UBE2O: variants seen among roughly 807,000 people sequenced by gnomAD.
UBE2O encodes the protein (E3-independent) E2 ubiquitin-conjugating enzyme.
UBE2O carries 15 observed loss-of-function variants against 125.8 expected under a neutral mutation model. The observed-to-expected ratio is 0.12, with a 90% CI of 0.08 to 0.18. The LOEUF (loss-of-function observed/expected upper bound fraction) is 0.18. Among genes scored for constraint, UBE2O ranks in the 10% least tolerant of loss-of-function variants. The pLI is 1.00. For missense variants in UBE2O, 1,280 were observed against 1,723.6 expected, an observed-to-expected ratio of 0.74 and a Z score of 4.56; for synonymous variants, 708 against 703.2, an observed-to-expected ratio of 1.01 and a Z score of -0.11.
chr17:76,447,589 C>T (rs149066047), intron 1 of UBE2O, among the ~76,000 whole-genome samples: 56 of 152,328 alleles, frequency 3.7e-4, no homozygotes, highest in African/African-American at 1.3e-3. Context: ...ATTCCATCCC[C>T]CTCCTGGAGG....
chr17:76,452,795 G>T lies in UBE2O; in HGVS notation c.347C>A (p.Pro116His). The T allele has an allele frequency of 6.6e-7, 1 of 1,522,784 alleles. No individual in the cohort carries two copies. The highest frequency in any genetic ancestry group is 1.2e-5 in the South Asian group (1 of 80,978). The allele number at this position is 1,522,784 out of a possible 1,614,324, so 94.3% of individuals were successfully genotyped here. ...GACGCGCACGTAGCCGCGGCGCAGG[G>T]GGCTGGCCCGGCCCTCCTCGTGGCC... ...GAGHEEGRAS[P>H]LRRGYVRVQW... Residue 116 changes from proline (P) to histidine (H), a missense_variant, in exon 1 of 18, where the codon CCC (proline) becomes CAC (histidine). Pro to His is a moderately conservative substitution (Grantham distance 77). This residue lies in a region of UBE2O where 188 missense variants were observed against 192.5 expected (regional missense o/e 0.98). Coordinates refer to ENST00000319380, the MANE Select transcript of UBE2O (RefSeq NM_022066.4). This position sits in a 1 kb window ranked among gnomAD's most constrained non-coding sequence, Gnocchi z 4.4.
chr17:76,414,622 C>A (rs1444697155), intron 1 of UBE2O, among the ~76,000 whole-genome samples: 1 of 152,214 alleles, frequency 6.6e-6, no homozygotes, highest in Admixed American at 6.5e-5. Flanking sequence ...CGCCTGGAAA[C>A]TCGGCTGCAG....
chr17:76,450,957 T>A (rs1267448664), intron 1 of UBE2O, among the ~76,000 whole-genome samples: 2 of 152,224 alleles, frequency 1.3e-5, no homozygotes, highest in African/African-American at 4.8e-5. Context: ...GTATTTCAAG[T>A]CAAACTCTGT....
At chr17:76,401,310 C>T (rs1200837096) in intron 5 of UBE2O, among the ~76,000 whole-genome samples, 156 bp from the exon 6 acceptor site, 1 of 152,222 alleles carries the variant, frequency 6.6e-6, no homozygotes, top group Non-Finnish European at 1.5e-5. Context: ...TCCACATCAG[C>T]ACTTCCCAAA....
rs1233832634 is a variant in UBE2O, at chr17:76,397,967, T to TG, written c.2026-80dup. The TG allele has an allele frequency of 1.6e-5, 24 of 1,468,564 alleles. No homozygotes were observed. The Middle Eastern group carries it at 5.2e-4, about 32-fold the overall frequency. The allele number at this position is 1,468,564 out of a possible 1,614,324, so 91.0% of individuals were successfully genotyped here. A position where few individuals can be genotyped will look rare whatever the true frequency, so the allele number is the denominator to read the frequency against. On this transcript the variant is annotated intron_variant, in intron 12 of 17. Coordinates refer to ENST00000319380, the MANE Select transcript of UBE2O (RefSeq NM_022066.4). ...AGCCCCTCCTGTGCTCTGCAGTGAC[T>TG]GACATCATGCCCACCTGGCTTGTGA...
intron 1 of UBE2O, among the ~76,000 whole-genome samples, chr17:76,431,357 CA>C (rs57655728): frequency 1.3e-5 from 2 of 150,998 alleles, no homozygotes; most frequent in Non-Finnish European, 3.0e-5. Context: ...ACTAAAGATA[CA>C]AAAAAAAATT....
At chr17:76,441,955 G>A (rs2073081180) in intron 1 of UBE2O, among the ~76,000 whole-genome samples, 1 of 152,252 alleles carries the variant, frequency 6.6e-6, no homozygotes, top group Non-Finnish European at 1.5e-5. Context: ...TTGCAGTCGG[G>A]TGGGGCATTC....
Position 76,397,997 on chromosome 17 carries a change from G to A in UBE2O, c.2026-109C>T, listed in dbSNP as rs986982055. The A allele has an allele frequency of 3.2e-6, 4 of 1,236,350 alleles. No homozygotes were observed. The Admixed American group carries it at 5.7e-5, about 18-fold the overall frequency. The allele number at this position is 1,236,350 out of a possible 1,614,324, so 76.6% of individuals were successfully genotyped here. A position where few individuals can be genotyped will look rare whatever the true frequency, so the allele number is the denominator to read the frequency against. ...TCATGCCCACCTGGCTTGTGACAAGGAACTTAGCTCCTCTGGTAAATGTAA... is the reference window on the plus strand; with the variant it reads ...TCATGCCCACCTGGCTTGTGACAAGAAACTTAGCTCCTCTGGTAAATGTAA... On this transcript the variant is annotated intron_variant, in intron 12 of 17. Transcript: ENST00000319380.
intron 5 of UBE2O, 73 bp downstream of exon 5, chr17:76,401,991 C>G (rs893585193): frequency 5.3e-6 from 8 of 1,517,864 alleles, no homozygotes; most frequent in Non-Finnish European, 7.2e-6. Context: ...GGGTCCAGGT[C>G]TTTGCTACGA....
chr17:76,418,550 C>T (rs1289319169), intron 1 of UBE2O, among the ~76,000 whole-genome samples: 1 of 152,000 alleles, frequency 6.6e-6, no homozygotes, highest in Non-Finnish European at 1.5e-5. Context: ...CTCCACAGGT[C>T]CCTTGGAAGG....
rs1161756652 is a variant in UBE2O at position 76,400,563 on chromosome 17, G to C, written c.895-13C>G. ...CTACAACCTGCACCTGGGGATGGCAGGTGGGACACGCCAGTCAGGGCAGGC... is the reference window on the plus strand; with the variant it reads ...CTACAACCTGCACCTGGGGATGGCACGTGGGACACGCCAGTCAGGGCAGGC... On this transcript the variant is annotated splice_polypyrimidine_tract_variant and intron_variant, in intron 6 of 17. Transcript: ENST00000319380. The surrounding 1 kb of genome is among the most constrained non-coding windows in gnomAD (Gnocchi z 4.3). 6.3e-7 allele frequency: 1 copy of C among 1,586,722 alleles called. No individual in the cohort carries two copies. The highest frequency in any genetic ancestry group is 1.7e-5 in the Admixed American group (1 of 58,950).
rs148300246 is a variant in UBE2O at position 76,450,349 on chromosome 17, C to G, written c.417+2376G>C. The stretch of plus-strand genomic sequence containing the variant: ...TAATCAGTCACCTGTATCTATAGCT[C>G]ATGGTAACAGAGCTACCTATCAGGT... On this transcript the variant is annotated intron_variant, in intron 1 of 17. Transcript: ENST00000319380. Among the ~76,000 whole-genome samples, 38 of 152,236 alleles carry G rather than the reference C, an allele frequency of 2.5e-4. No individual in the cohort carries two copies. The East Asian group carries it at 4.4e-3, about 18-fold the overall frequency.
chr17:76,416,686 C>G (rs1285306907), intron 1 of UBE2O, among the ~76,000 whole-genome samples: 1 of 152,198 alleles, frequency 6.6e-6, no homozygotes, highest in Non-Finnish European at 1.5e-5. Context: ...GCTGGCATCA[C>G]TGGGACACCA....
At position 76,406,604 on chromosome 17, in the gene UBE2O, TCA is replaced by T. The variant is rs1173239203; in HGVS notation, c.418-1034_418-1033del. On this transcript the variant is annotated intron_variant, in intron 1 of 17. Transcript: ENST00000319380. ...AACTCTGCTAGTAGAAGAACGTGAC[TCA>T]CAAAAAAAAAAAGGAAAGAAAAGCA... is the stretch of plus-strand genomic sequence containing the variant. Among the ~76,000 whole-genome samples, 8 of 136,916 alleles carry T rather than the reference TCA, an allele frequency of 5.8e-5. No homozygotes were observed. The Admixed American group carries it at 6.1e-4, about 10-fold the overall frequency. The allele number at this position is 136,916 out of a possible 152,430, so 89.8% of individuals were successfully genotyped here. A position where few individuals can be genotyped will look rare whatever the true frequency, so the allele number is the denominator to read the frequency against.
Position 76,440,703 on chromosome 17 carries a change from A to G in UBE2O, c.417+12022T>C, listed in dbSNP as rs112871788. On this transcript the variant is annotated intron_variant, in intron 1 of 17. Transcript: ENST00000319380. The stretch of plus-strand genomic sequence containing the variant: ...ATCCTTCCAGAGCAGAGGTGGGAAA[A>G]CTACAGCCTGCAGGTCATGTCCAGC... Among the ~76,000 whole-genome samples the G allele has an allele frequency of 4.1e-3, 619 of 152,296 alleles. 2 individuals are homozygous for G. The highest frequency in any genetic ancestry group is 0.014 in the African/African-American group (585 of 41,560).
In UBE2O at chr17:76,398,401, T is replaced by C. The variant is rs1279557434; in HGVS notation, c.1897-18A>G. 1.2e-6 allele frequency: 2 copies of C among 1,613,930 alleles called. No individual in the cohort carries two copies. Among genetic ancestry groups the C allele is most frequent in the Admixed American group, 1.7e-5 (1 of 60,000 alleles). On this transcript the variant is annotated intron_variant, in intron 11 of 17. Coordinates refer to ENST00000319380, the MANE Select transcript of UBE2O (RefSeq NM_022066.4). This position sits in a 1 kb window ranked among gnomAD's most constrained non-coding sequence, Gnocchi z 5.4. ...CCAATCAGCTGTGGCACAGGACAGGTTGTCATGAGCTAGGGGTCCTACACC... is the reference window on the plus strand; with the variant it reads ...CCAATCAGCTGTGGCACAGGACAGGCTGTCATGAGCTAGGGGTCCTACACC...
intron 1 of UBE2O, among the ~76,000 whole-genome samples, chr17:76,419,532 C>T (rs2072672954): frequency 6.6e-6 from 1 of 152,040 alleles, no homozygotes. Context: ...CCCTGACACA[C>T]CCTTCCTGTG....
rs1257107693 is a variant in UBE2O, at chr17:76,435,776, G to A, written c.417+16949C>T. Reference sequence around the variant, plus strand: ...CCTCTCAGTCCAGCCCTATGCTCGGGAGCCACATTCCCTGAGCTGAAGGCA... The same window carrying A: ...CCTCTCAGTCCAGCCCTATGCTCGGAAGCCACATTCCCTGAGCTGAAGGCA... On this transcript the variant is annotated intron_variant, in intron 1 of 17. Transcript: ENST00000319380. Among the ~76,000 whole-genome samples the A allele has an allele frequency of 2.0e-5, 3 of 152,252 alleles. No homozygotes were observed. In the East Asian group the frequency reaches 5.8e-4, roughly 29 times the overall value.
rs773027349 is a variant in UBE2O, at chr17:76,452,940, C to T, written c.202G>A (p.Gly68Ser). The T allele has an allele frequency of 6.7e-7, 1 of 1,498,526 alleles. No individual in the cohort carries two copies. Among genetic ancestry groups the T allele is most frequent in the South Asian group, 1.3e-5 (1 of 79,074 alleles). 92.8% of individuals were successfully genotyped at this position (1,498,526 alleles called of 1,614,324 possible). A position where few individuals can be genotyped will look rare whatever the true frequency, so the allele number is the denominator to read the frequency against. ...RLLFSHDLVS[G>S]RYRGSVHFGL... The stretch of plus-strand genomic sequence containing the variant: ...AAGTGCACGGAGCCACGGTAACGGC[C>T]CGACACCAGGTCGTGAGAAAACAGC... The change falls in exon 1 of 18, where the codon GGC becomes AGC. Residue 68 changes from glycine (G) to serine (S), a missense_variant. Transcript: ENST00000319380. This position sits in a 1 kb window ranked among gnomAD's most constrained non-coding sequence, Gnocchi z 4.4.
Sources: gnomAD v4.1 joint callset for allele counts (sites outside exome capture counted in the v4.1 genomes callset) on GRCh38, gnomAD v4.1.1 for gene constraint, gnomAD v4.1.1 regional missense constraint, Gnocchi (gnomAD v3.1) non-coding constraint, MANE v1.5 for transcripts, NCBI Gene and HGNC (gene_info 2026-07-23, HGNC 2026-07-21) for gene names.